The following PTPRD variants were observed in gnomAD, a reference collection of about 807,000 sequenced individuals.
The protein encoded by PTPRD is protein tyrosine phosphatase receptor type D.
PTPRD carries 34 observed loss-of-function variants against 214.5 expected under a neutral mutation model. The ratio of observed to expected loss-of-function variants is 0.16; its 90% confidence interval spans 0.12 to 0.21. PTPRD has a LOEUF of 0.21. Among genes scored for constraint, PTPRD ranks in the 10% least tolerant of loss-of-function variants. The pLI, the probability that PTPRD is intolerant of heterozygous loss-of-function variation, is 1.00. For synonymous variants in PTPRD, 1,128 were observed against 845.7 expected (o/e 1.33, Z -5.79); for missense variants, 2,545 against 2,398.7 (o/e 1.06, Z -1.27).
intron 24 of PTPRD, 139 bp downstream of exon 24, chr9:8,500,615 C>A: frequency 1.1e-5 from 2 of 185,100 alleles, no homozygotes; most frequent in Non-Finnish European, 1.9e-5. Context: ...AAAGACAAGT[C>A]TTTGGCAAAA....
At chr9:9,549,532 G>C (rs373617269) in intron 8 of PTPRD, among the ~76,000 whole-genome samples, 3 of 152,076 alleles carry the variant, frequency 2.0e-5, no homozygotes, top group Admixed American at 1.3e-4. Flanking sequence ...TTAACTGCTG[G>C]TGAAGATGTA....
intron 8 of PTPRD, among the ~76,000 whole-genome samples, chr9:9,441,229 A>G (rs56409001): frequency 0.28 from 43,097 of 151,986 alleles, 6,325 homozygotes; most frequent in Non-Finnish European, 0.31. Context: ...CTATCCTCGA[A>G]GCGGTGTGGG....
At chr9:9,952,202 G>T (rs1051837098) in intron 4 of PTPRD, among the ~76,000 whole-genome samples, 2 of 152,076 alleles carry the variant, frequency 1.3e-5, no homozygotes, top group Non-Finnish European at 2.9e-5. Flanking sequence ...AAGGAGAAAT[G>T]GTAACTTTGA....
At chr9:8,733,726 A>C (rs2098686576) in intron 12 of PTPRD, 54 bp downstream of exon 12, 1 of 1,542,822 alleles carries the variant, frequency 6.5e-7, no homozygotes, top group East Asian at 2.4e-5. Flanking sequence ...GCCAACTGCA[A>C]ACAAAACCAC....
At chr9:9,509,437 AC>A (rs1240778238) in intron 8 of PTPRD, among the ~76,000 whole-genome samples, 1 of 151,476 alleles carries the variant, frequency 6.6e-6, no homozygotes, top group Non-Finnish European at 1.5e-5. Context: ...ACTGAAACTT[AC>A]TAGATCATCA....
intron 2 of PTPRD, among the ~76,000 whole-genome samples, chr9:10,438,966 G>A (rs888688887): frequency 5.3e-5 from 8 of 151,778 alleles, no homozygotes; most frequent in Admixed American, 2.0e-4. Flanking sequence ...GTGTATCCAC[G>A]CTTTTTGTTG....
At chr9:10,577,982 G>A (rs537927371) in intron 2 of PTPRD, among the ~76,000 whole-genome samples, 1 of 151,156 alleles carries the variant, frequency 6.6e-6, no homozygotes, top group East Asian at 2.0e-4. Flanking sequence ...CGTGATCTCG[G>A]CTCACTGCAA....
At chr9:10,192,121 A>C (rs2099366322) in intron 3 of PTPRD, among the ~76,000 whole-genome samples, 1 of 152,308 alleles carries the variant, frequency 6.6e-6, no homozygotes, top group South Asian at 2.1e-4. Flanking sequence ...TGAATTCCAG[A>C]AGAAACTTTG....
At chr9:9,409,432 G>T (rs1026355729) in intron 8 of PTPRD, among the ~76,000 whole-genome samples, 1 of 151,832 alleles carries the variant, frequency 6.6e-6, no homozygotes, top group African/African-American at 2.4e-5. Context: ...AACCTGACAT[G>T]GAAATCATTT....
At chr9:9,299,764 T>C (rs1027174641) in intron 9 of PTPRD, among the ~76,000 whole-genome samples, 73 of 151,450 alleles carry the variant, frequency 4.8e-4, no homozygotes, top group African/African-American at 1.7e-3. Flanking sequence ...TAGACACATA[T>C]GTGGGATGAG....
chr9:9,552,677 A>G (rs2080594576), intron 8 of PTPRD, among the ~76,000 whole-genome samples: 1 of 152,058 alleles, frequency 6.6e-6, no homozygotes, highest in Non-Finnish European at 1.5e-5. Context: ...AGTGCTCAAG[A>G]AGACTAGATT....
chr9:10,236,278 T>C (rs1292036164), intron 3 of PTPRD, among the ~76,000 whole-genome samples: 5 of 151,902 alleles, frequency 3.3e-5, no homozygotes, highest in Non-Finnish European at 5.9e-5. Flanking sequence ...TCTGAATTTA[T>C]TCTGGTTCTT....
chr9:10,284,300 T>C (rs2095264607), intron 3 of PTPRD, among the ~76,000 whole-genome samples: 1 of 152,136 alleles, frequency 6.6e-6, no homozygotes, highest in Non-Finnish European at 1.5e-5. Flanking sequence ...TCAGGAAAGG[T>C]GCATAAGATT....
chr9:8,646,796 T>C (rs1021901542), intron 12 of PTPRD, among the ~76,000 whole-genome samples: 1 of 152,214 alleles, frequency 6.6e-6, no homozygotes, highest in African/African-American at 2.4e-5. Flanking sequence ...CCTGGTCATC[T>C]ATGAAGTCTT....
intron 3 of PTPRD, among the ~76,000 whole-genome samples, chr9:10,096,965 A>C (rs1482344750): frequency 1.3e-5 from 2 of 151,636 alleles, no homozygotes; most frequent in African/African-American, 4.8e-5. Context: ...TGGCTAGCCA[A>C]TTTTCCCAGC....
At chr9:9,787,069 G>A (rs912027799) in intron 5 of PTPRD, among the ~76,000 whole-genome samples, 13 of 151,870 alleles carry the variant, frequency 8.6e-5, no homozygotes, top group Admixed American at 7.2e-4. Context: ...CCCGGGCAGC[G>A]GAGGTTGCAG....
At chr9:8,552,061 G>A (rs2082264919) in intron 14 of PTPRD, among the ~76,000 whole-genome samples, 1 of 152,180 alleles carries the variant, frequency 6.6e-6, no homozygotes, top group Non-Finnish European at 1.5e-5. Flanking sequence ...TTTAAAGGAA[G>A]CTATCAATGA....
At chr9:10,570,979 C>T (rs1452549839) in intron 2 of PTPRD, among the ~76,000 whole-genome samples, 1 of 151,236 alleles carries the variant, frequency 6.6e-6, no homozygotes, top group African/African-American at 2.4e-5. Context: ...AAACCCATAA[C>T]AGTGTGCAGC....
At chr9:10,131,878 C>T (rs921208789) in intron 3 of PTPRD, among the ~76,000 whole-genome samples, 2 of 152,148 alleles carry the variant, frequency 1.3e-5, no homozygotes, top group Non-Finnish European at 2.9e-5. Context: ...CATCAAAATA[C>T]GTGTAATTAC....
Sources: allele counts gnomAD v4.1 joint callset (sites outside exome capture counted in the v4.1 genomes callset), GRCh38; gene constraint gnomAD v4.1.1; transcripts MANE v1.5; gene names NCBI Gene and HGNC (gene_info 2026-07-23, HGNC 2026-07-21).